RASAL2: variants seen among roughly 807,000 people sequenced by gnomAD.
RASAL2 encodes the protein ras GTPase-activating protein nGAP.
A neutral mutation model predicts 128.9 loss-of-function variants in RASAL2; 58 were observed. That is an observed-to-expected ratio of 0.45 (90% confidence interval 0.36 to 0.56). The LOEUF is 0.56. Ranked by LOEUF, RASAL2 falls within the 20% of genes least tolerant of loss-of-function variation. RASAL2 has a pLI of 0.00. For missense variants in RASAL2, 1,360 were observed against 1,601.6 expected (o/e 0.85, Z 2.57); for synonymous variants, 561 against 580.8 (o/e 0.97, Z 0.49).
chr1:178,446,559 G>T lies in RASAL2; in HGVS notation c.1627+897G>T, dbSNP rs150729361. ...GGTGTTTTACTTTTTTATTCTTTTT[G>T]AAAATCAGTGTGTATTTCACATGTA... On this transcript the variant is annotated intron_variant, in intron 9 of 17. Transcript: ENST00000367649. Among the ~76,000 whole-genome samples the T allele has an allele frequency of 5.9e-3, 902 of 152,104 alleles. 5 individuals carry two copies. Among genetic ancestry groups the T allele is most frequent in the African/African-American group, 0.02 (810 of 41,500 alleles).
chr1:178,237,008 C>T (rs751849308), intron 1 of RASAL2, among the ~76,000 whole-genome samples: 8 of 152,008 alleles, frequency 5.3e-5, no homozygotes, highest in Non-Finnish European at 8.8e-5. Context: ...AGGTGATCCA[C>T]CCGCCTCAGC....
At chr1:178,359,646 C>T (rs777800814) in intron 3 of RASAL2, among the ~76,000 whole-genome samples, 12 of 152,156 alleles carry the variant, frequency 7.9e-5, no homozygotes, top group African/African-American at 2.7e-4. Context: ...GCTAATTACA[C>T]TACTGCTGTA....
At chr1:178,417,399 C>G (rs550287062) in intron 4 of RASAL2, among the ~76,000 whole-genome samples, 1 of 152,188 alleles carries the variant, frequency 6.6e-6, no homozygotes, top group South Asian at 2.1e-4. Flanking sequence ...GTAGAGTTCT[C>G]TACAACAAAT....
chr1:178,111,775 G>A (rs1296197978), intron 1 of RASAL2, among the ~76,000 whole-genome samples: 1 of 152,064 alleles, frequency 6.6e-6, no homozygotes, highest in Non-Finnish European at 1.5e-5. Flanking sequence ...TGTCACCCAG[G>A]TTGTAGTGCG....
intron 1 of RASAL2, among the ~76,000 whole-genome samples, chr1:178,210,305 C>T (rs1298782981): frequency 5.9e-5 from 9 of 152,084 alleles, no homozygotes; most frequent in Non-Finnish European, 1.5e-5. Context: ...ATTATATTGA[C>T]CTGGCCTTGT....
intron 1 of RASAL2, among the ~76,000 whole-genome samples, chr1:178,185,982 C>T (rs779565341): frequency 1.3e-4 from 19 of 151,904 alleles, no homozygotes; most frequent in Non-Finnish European, 2.4e-4. Flanking sequence ...CTTAAATGTT[C>T]GGTAGAATTT....
At chr1:178,387,364 AT>A (rs71699665) in intron 3 of RASAL2, among the ~76,000 whole-genome samples, 6,895 of 150,690 alleles carry the variant, frequency 0.046, 503 homozygotes, top group African/African-American at 0.15. Context: ...CAGAAAGAGA[AT>A]TTTTTTTTTA....
intron 3 of RASAL2, among the ~76,000 whole-genome samples, chr1:178,307,341 A>G (rs1668045477): frequency 6.6e-6 from 1 of 152,170 alleles, no homozygotes; most frequent in Non-Finnish European, 1.5e-5. Context: ...ATCATGTCTA[A>G]AGTACCCACT....
chr1:178,224,006 T>A (rs1262242512), intron 1 of RASAL2, among the ~76,000 whole-genome samples: 1 of 152,126 alleles, frequency 6.6e-6, no homozygotes, highest in African/African-American at 2.4e-5. Flanking sequence ...AGTGTTAAAT[T>A]GAATATATGA....
At chr1:178,434,910 G>A (rs773380544) in intron 5 of RASAL2, among the ~76,000 whole-genome samples, 4 of 151,998 alleles carry the variant, frequency 2.6e-5, no homozygotes, top group Non-Finnish European at 4.4e-5. Flanking sequence ...TTCCCAAAGT[G>A]AAAGCTCAAA....
intron 1 of RASAL2, among the ~76,000 whole-genome samples, chr1:178,245,927 A>AT (rs1189817076): frequency 1.3e-5 from 2 of 152,066 alleles, no homozygotes; most frequent in African/African-American, 4.8e-5. Context: ...ATTGGACTAT[A>AT]TATCTGTTTT....
intron 5 of RASAL2, among the ~76,000 whole-genome samples, chr1:178,426,212 C>T (rs550893915): frequency 1.1e-4 from 17 of 152,218 alleles, no homozygotes; most frequent in Non-Finnish European, 2.2e-4. Flanking sequence ...TTCATAACAA[C>T]ATTATTCATA....
chr1:178,228,379 A>G (rs2102016571), intron 1 of RASAL2, among the ~76,000 whole-genome samples: 1 of 152,130 alleles, frequency 6.6e-6, no homozygotes, highest in Admixed American at 6.5e-5. Context: ...CAGGAGTTCA[A>G]GACTAGCCTG....
At chr1:178,197,489 G>A (rs71628270) in intron 1 of RASAL2, among the ~76,000 whole-genome samples, 1,979 of 151,444 alleles carry the variant, frequency 0.013, 13 homozygotes, top group Non-Finnish European at 0.016. Context: ...TGCACCTGTA[G>A]CCCCAGCTAC....
At chr1:178,180,620 T>G (rs1480593267) in intron 1 of RASAL2, among the ~76,000 whole-genome samples, 2 of 147,798 alleles carry the variant, frequency 1.4e-5, no homozygotes, top group Non-Finnish European at 3.0e-5. Context: ...TGAGCTGCGA[T>G]CACAGCACTG....
chr1:178,278,757 T>C (rs1269154352), intron 1 of RASAL2, among the ~76,000 whole-genome samples: 1 of 152,200 alleles, frequency 6.6e-6, no homozygotes, highest in Admixed American at 6.5e-5. Flanking sequence ...TGAGGCACTT[T>C]TCCTAAGTAT....
intron 1 of RASAL2, among the ~76,000 whole-genome samples, chr1:178,166,457 A>T (rs1271591750): frequency 1.3e-5 from 2 of 152,210 alleles, no homozygotes; most frequent in Non-Finnish European, 2.9e-5. Flanking sequence ...ATTAGTGTCA[A>T]TTATAATGAT....
chr1:178,150,326 C>T (rs1660869455), intron 1 of RASAL2, among the ~76,000 whole-genome samples: 1 of 152,012 alleles, frequency 6.6e-6, no homozygotes, highest in African/African-American at 2.4e-5. Flanking sequence ...TCCCAAGTAG[C>T]TGAGATTAGC....
At chr1:178,174,413 G>A (rs911663200) in intron 1 of RASAL2, among the ~76,000 whole-genome samples, 2 of 151,970 alleles carry the variant, frequency 1.3e-5, no homozygotes, top group African/African-American at 4.8e-5. Context: ...TGTTAAGCTG[G>A]AAAATTTAAA....
Sources: allele counts gnomAD v4.1 joint callset (sites outside exome capture counted in the v4.1 genomes callset), GRCh38; gene constraint gnomAD v4.1.1; transcripts MANE v1.5; gene names NCBI Gene and HGNC (gene_info 2026-07-23, HGNC 2026-07-21).